Variants in GLI2 observed in about 807,000 individuals in gnomAD.
GLI2 encodes the protein transcription activator GLI2.
A neutral mutation model predicts 78.9 loss-of-function variants in GLI2; 22 were observed. The observed-to-expected ratio is 0.28, with a 90% CI of 0.20 to 0.40. The LOEUF (loss-of-function observed/expected upper bound fraction) is 0.40, where lower values mean the gene tolerates loss of function less well. GLI2 is among the 10% of genes least tolerant of loss of function. GLI2 has a pLI of 1.00. For synonymous variants in GLI2, 974 were observed against 963.7 expected (o/e 1.01, Z -0.20); for missense variants, 2,097 against 2,213.2 (o/e 0.95, Z 1.05).
chr2:120,956,239 G>T (rs1053873678), intron 5 of GLI2, among the ~76,000 whole-genome samples: 3 of 152,082 alleles, frequency 2.0e-5, no homozygotes, highest in Admixed American at 1.3e-4. Context: ...AAAGAAAGAA[G>T]GGAGTTGAAG....
intron 1 of GLI2, among the ~76,000 whole-genome samples, chr2:120,791,204 C>T (rs1196919426): frequency 1.3e-5 from 2 of 152,156 alleles, no homozygotes; most frequent in African/African-American, 4.8e-5. Context: ...CTGGGGAACC[C>T]TTACGTTCCC....
At chr2:120,837,170 G>A (rs1213021083) in intron 2 of GLI2, among the ~76,000 whole-genome samples, 1 of 152,016 alleles carries the variant, frequency 6.6e-6, no homozygotes, top group African/African-American at 2.4e-5. Flanking sequence ...CGAGGCGGGC[G>A]GATCACGAGG....
intron 1 of GLI2, among the ~76,000 whole-genome samples, chr2:120,781,169 G>T (rs1302207688): frequency 1.3e-5 from 2 of 152,230 alleles, no homozygotes; most frequent in Non-Finnish European, 2.9e-5. Context: ...CCCCTGGCCT[G>T]CAGTTGCTGC....
chr2:120,934,504 G>A (rs1201262751), intron 3 of GLI2, among the ~76,000 whole-genome samples: 1 of 152,178 alleles, frequency 6.6e-6, no homozygotes, highest in Non-Finnish European at 1.5e-5. Context: ...TGGCAGTCAC[G>A]GCCCAAGGCC....
chr2:120,974,605 A>G (rs1239206341), intron 8 of GLI2, among the ~76,000 whole-genome samples: 1 of 152,210 alleles, frequency 6.6e-6, no homozygotes, highest in African/African-American at 2.4e-5. Flanking sequence ...CTATCGTACA[A>G]GAATGCAGAT....
At chr2:120,896,689 AC>A (rs1677975290) in intron 2 of GLI2, among the ~76,000 whole-genome samples, 2 of 121,518 alleles carry the variant, frequency 1.6e-5, no homozygotes, top group African/African-American at 7.0e-5. Flanking sequence ...ACACTCACAC[AC>A]ACCCATACAC....
chr2:120,934,441 G>A (rs1680096200), intron 3 of GLI2, among the ~76,000 whole-genome samples: 1 of 152,226 alleles, frequency 6.6e-6, no homozygotes, highest in Non-Finnish European at 1.5e-5. Context: ...GACCACTGCT[G>A]ATGGCTTCCT....
intron 2 of GLI2, among the ~76,000 whole-genome samples, chr2:120,797,759 C>A (rs1684473097): frequency 6.6e-6 from 1 of 151,808 alleles, no homozygotes; most frequent in Non-Finnish European, 1.5e-5. Flanking sequence ...GGAGGAGGGG[C>A]ATGGTCGCTG....
At chr2:120,967,840 G>C (rs1681932602) in intron 5 of GLI2, among the ~76,000 whole-genome samples, 1 of 152,234 alleles carries the variant, frequency 6.6e-6, no homozygotes, top group African/African-American at 2.4e-5. Context: ...GCCTGTGTCA[G>C]GATGCCTCTC....
At position 120,966,140 on chromosome 2, in the gene GLI2, G is replaced by A. The variant is rs75662339; in HGVS notation, c.644-2574G>A. Among the ~76,000 whole-genome samples, 279 of 151,788 alleles carry A rather than the reference G, an allele frequency of 1.8e-3. 2 individuals are homozygous for A. The highest frequency in any genetic ancestry group is 6.4e-3 in the African/African-American group (263 of 41,328). ...TTCCTAACATCACTTAACTCTTCTCGTTGAAAATAAAGTATACCAAGTACT... is the reference window on the plus strand; with the variant it reads ...TTCCTAACATCACTTAACTCTTCTCATTGAAAATAAAGTATACCAAGTACT... On this transcript the variant is annotated intron_variant, in intron 5 of 13. Coordinates refer to ENST00000361492, the MANE Select transcript of GLI2 (RefSeq NM_001374353.1).
At chr2:120,750,915 G>C (rs987220158) in intron 1 of GLI2, among the ~76,000 whole-genome samples, 1 of 152,258 alleles carries the variant, frequency 6.6e-6, no homozygotes, top group Admixed American at 6.5e-5. Context: ...CTGGGCCCCA[G>C]GGGGATGCCC....
intron 2 of GLI2, among the ~76,000 whole-genome samples, chr2:120,910,088 C>T (rs995931681): frequency 2.0e-5 from 3 of 152,190 alleles, no homozygotes; most frequent in Admixed American, 6.5e-5. Flanking sequence ...GGGTCCCCTC[C>T]GTTTTCCTGT....
intron 5 of GLI2, 119 bp from the exon 6 acceptor site, chr2:120,968,595 C>G (rs1194159771): frequency 5.0e-6 from 4 of 798,298 alleles, no homozygotes; most frequent in Non-Finnish European, 8.7e-6. Flanking sequence ...GCTGGAAAGT[C>G]GGCAAAGCTA....
intron 2 of GLI2, among the ~76,000 whole-genome samples, chr2:120,847,230 A>ATCCT (rs1380491580): frequency 2.0e-5 from 3 of 152,096 alleles, no homozygotes; most frequent in Non-Finnish European, 4.4e-5. Flanking sequence ...CACTGTGCTG[A>ATCCT]GGGCTCGTCA....
Position 120,955,148 on chromosome 2 carries a change from T to C in GLI2, c.458-97T>C, listed in dbSNP as rs530785943. The C allele has an allele frequency of 6.7e-6, 5 of 746,450 alleles. No individual in the cohort carries two copies. The Admixed American group carries it at 9.7e-5, about 14-fold the overall frequency. 46.2% of individuals were successfully genotyped at this position (746,450 alleles called of 1,614,324 possible). On this transcript the variant is annotated intron_variant, in intron 4 of 13. Transcript: ENST00000361492. ...CCCCGACACCAGGTGTGCATTTCTC[T>C]CTGCCTTTTTTTTTTTTTTTTTTTT...
chr2:120,830,287 C>G (rs1010996076), intron 2 of GLI2, among the ~76,000 whole-genome samples: 7 of 152,236 alleles, frequency 4.6e-5, no homozygotes, highest in Admixed American at 3.3e-4. Flanking sequence ...TGGCCTTGGC[C>G]TAGCTCCCTC....
At chr2:120,753,341 C>T (rs1223595016) in intron 1 of GLI2, among the ~76,000 whole-genome samples, 1 of 152,188 alleles carries the variant, frequency 6.6e-6, no homozygotes, top group Admixed American at 6.5e-5. Context: ...GGTGATCTAC[C>T]TGCGTCGACC....
At chr2:120,933,662 G>C (rs975508251) in intron 3 of GLI2, among the ~76,000 whole-genome samples, 2 of 152,216 alleles carry the variant, frequency 1.3e-5, no homozygotes, top group South Asian at 4.1e-4. Flanking sequence ...TGGCGAGGAA[G>C]GGTCCCTAAG....
intron 2 of GLI2, among the ~76,000 whole-genome samples, chr2:120,807,844 C>T (rs1179143452): frequency 3.3e-5 from 5 of 152,000 alleles, no homozygotes; most frequent in Admixed American, 6.5e-5. Context: ...CTTGCTTGGA[C>T]CACCCCCCCA....
Sources: allele counts gnomAD v4.1 joint callset (sites outside exome capture counted in the v4.1 genomes callset), GRCh38; gene constraint gnomAD v4.1.1; transcripts MANE v1.5; gene names NCBI Gene and HGNC (gene_info 2026-07-23, HGNC 2026-07-21).